FMN1: variants seen among roughly 807,000 people sequenced by gnomAD.
FMN1 encodes formin-1.
Under a neutral mutation model 132.4 loss-of-function variants are expected in FMN1, and 110 were observed. That is an observed-to-expected ratio of 0.83 (90% confidence interval 0.71 to 0.97). FMN1 has a LOEUF of 0.97. Ranked by LOEUF, FMN1 falls within the 50% of genes least tolerant of loss-of-function variation. The pLI is 0.00. For missense variants in FMN1, 1,792 were observed against 1,705.3 expected (o/e 1.05, Z -0.90); for synonymous variants, 722 against 651.7 (o/e 1.11, Z -1.64).
intron 7 of FMN1, among the ~76,000 whole-genome samples, chr15:33,005,096 G>A (rs189772810): frequency 6.6e-6 from 1 of 152,032 alleles, no homozygotes; most frequent in East Asian, 1.9e-4. Flanking sequence ...GCTAAATGAT[G>A]AGTTAATGAG....
chr15:33,154,540 G>C lies in FMN1; in HGVS notation c.375C>G (p.Ser125Arg). 6.5e-7 allele frequency: 1 copy of C among 1,536,102 alleles called. No individual in the cohort carries two copies. Among genetic ancestry groups the C allele is most frequent in the Non-Finnish European group, 8.7e-7 (1 of 1,146,904 alleles). Residue 125 changes from serine (S) to arginine (R), a missense_variant, in exon 4 of 21, where the codon AGC (serine) becomes AGG (arginine). Physicochemically the swap from Ser to Arg is moderately radical, Grantham distance 110. This residue lies in a region of FMN1 where 638 missense variants were observed against 645.2 expected (regional missense o/e 0.99). Transcript: ENST00000616417. ...QEGKLQELSVSLAPEDDCFQS... is the reference protein window; with the variant it reads ...QEGKLQELSVRLAPEDDCFQS... ...GGAAACAGTCATCCTCGGGGGCCAGGCTCACGGACAGCTCTTGCAGCTTCC... is the reference window on the plus strand; with the variant it reads ...GGAAACAGTCATCCTCGGGGGCCAGCCTCACGGACAGCTCTTGCAGCTTCC...
In FMN1 at chr15:32,968,959, A is replaced by T. The variant is rs1226101052; in HGVS notation, c.2742T>A (p.Pro914=). The change falls in exon 8 of 21, where the codon CCT becomes CCA. Residue 914 remains proline, a synonymous_variant. Transcript: ENST00000616417. ...PPPPPPPPPL[P]PPSSAGPPPP... ...GTGGAGGTCCAGCACTTGAAGGTGG[A>T]GGTAGAGGTGGCGGTGGAGGAGGCG... 1 of 883,622 alleles carries T rather than the reference A, an allele frequency of 1.1e-6. No homozygotes were observed. Among genetic ancestry groups the T allele is most frequent in the Admixed American group, 2.5e-5 (1 of 39,836 alleles). The allele number at this position is 883,622 out of a possible 1,614,324, so 54.7% of individuals were successfully genotyped here.
chr15:33,115,418 G>T (rs1476616895), intron 4 of FMN1, among the ~76,000 whole-genome samples: 1 of 152,048 alleles, frequency 6.6e-6, no homozygotes, highest in African/African-American at 2.4e-5. Context: ...GGTTGCTTAT[G>T]AAAGAGGTAG....
chr15:33,050,099 T>C (rs114131767), intron 6 of FMN1, among the ~76,000 whole-genome samples: 41 of 152,360 alleles, frequency 2.7e-4, no homozygotes, highest in African/African-American at 9.1e-4. Context: ...TGCCCAACTG[T>C]TGGCTAAAGT....
intron 4 of FMN1, among the ~76,000 whole-genome samples, chr15:33,104,738 AAAAG>A (rs1467578944): frequency 1.4e-4 from 21 of 152,148 alleles, no homozygotes; most frequent in African/African-American, 4.8e-4. Context: ...AATTAACTGA[AAAAG>A]AAAAAAGAGT....
Position 32,798,698 on chromosome 15 carries a change from C to G in FMN1, c.4130+106G>C, listed in dbSNP as rs201061237. On this transcript the variant is annotated intron_variant, in intron 19 of 20. Coordinates refer to ENST00000616417, the MANE Select transcript of FMN1 (RefSeq NM_001277313.2). The stretch of plus-strand genomic sequence containing the variant: ...GTCCTTCCCCTATGACCACTTCATC[C>G]GAAAGAAAACATCGACAGGTGTGAA... 1.4e-5 allele frequency: 15 copies of G among 1,074,034 alleles called. No individual in the cohort carries two copies. The East Asian group carries it at 4.0e-4, about 29-fold the overall frequency. 66.5% of individuals were successfully genotyped at this position (1,074,034 alleles called of 1,614,324 possible).
chr15:33,050,741 G>C (rs995800221), intron 6 of FMN1, among the ~76,000 whole-genome samples: 4 of 152,210 alleles, frequency 2.6e-5, no homozygotes, highest in African/African-American at 9.6e-5. Flanking sequence ...TCACAGGTAT[G>C]CATAAACCAA....
intron 10 of FMN1, among the ~76,000 whole-genome samples, chr15:32,911,234 C>T (rs1243254708): frequency 6.6e-6 from 1 of 152,088 alleles, no homozygotes; most frequent in Non-Finnish European, 1.5e-5. Context: ...TACTGGGATG[C>T]AAAAATTGAG....
chr15:32,989,843 A>T (rs942285484), intron 7 of FMN1, among the ~76,000 whole-genome samples: 6 of 152,152 alleles, frequency 3.9e-5, no homozygotes, highest in African/African-American at 9.7e-5. Flanking sequence ...AGGGTGCAGG[A>T]GTTGTCAAGG....
chr15:33,086,424 T>C (rs1196893776), intron 5 of FMN1, among the ~76,000 whole-genome samples: 1 of 152,132 alleles, frequency 6.6e-6, no homozygotes, highest in African/African-American at 2.4e-5. Context: ...GAGGTTTTTT[T>C]TTCACTGTAA....
intron 7 of FMN1, among the ~76,000 whole-genome samples, chr15:32,975,708 T>C (rs2032149341): frequency 6.6e-6 from 1 of 152,144 alleles, no homozygotes; most frequent in Non-Finnish European, 1.5e-5. Context: ...ATACTTAACG[T>C]AGATAAGAAT....
intron 3 of FMN1, among the ~76,000 whole-genome samples, chr15:33,170,989 A>C (rs890898966): frequency 6.6e-6 from 1 of 152,204 alleles, no homozygotes; most frequent in Non-Finnish European, 1.5e-5. Flanking sequence ...CTGTGTGTAT[A>C]AACGGATGAG....
intron 19 of FMN1, among the ~76,000 whole-genome samples, chr15:32,785,218 A>ATATATTT (rs1444523400): frequency 3.8e-4 from 15 of 39,206 alleles, no homozygotes; most frequent in African/African-American, 8.3e-4. Flanking sequence ...ATATATATAT[A>ATATATTT]TTTTTTTTTT....
chr15:33,150,990 A>G, intron 4 of FMN1: 1 of 1,101,584 alleles, frequency 9.1e-7, no homozygotes, highest in Non-Finnish European at 1.1e-6. Flanking sequence ...TGAAAGACAA[A>G]GGTAGCTGGA....
intron 16 of FMN1, among the ~76,000 whole-genome samples, chr15:32,872,891 T>C (rs533678443): frequency 6.7e-6 from 1 of 149,864 alleles, no homozygotes; most frequent in South Asian, 2.1e-4. Context: ...AAATGAACCA[T>C]GAGGGAATAA....
chr15:32,780,009 G>A (rs1048115556), intron 19 of FMN1, among the ~76,000 whole-genome samples: 13 of 152,240 alleles, frequency 8.5e-5, no homozygotes, highest in Non-Finnish European at 1.9e-4. Context: ...CCTGATTGCA[G>A]AATTAATTCT....
At chr15:32,857,419 A>C (rs1244887313) in intron 16 of FMN1, among the ~76,000 whole-genome samples, 1 of 152,104 alleles carries the variant, frequency 6.6e-6, no homozygotes, top group Non-Finnish European at 1.5e-5. Flanking sequence ...TGTTCTCCCA[A>C]AGATAAAGAG....
intron 19 of FMN1, among the ~76,000 whole-genome samples, chr15:32,780,979 G>C (rs542060186): frequency 6.6e-6 from 1 of 152,114 alleles, no homozygotes; most frequent in Non-Finnish European, 1.5e-5. Context: ...TTTCATGATA[G>C]AGGTTATTGC....
intron 9 of FMN1, among the ~76,000 whole-genome samples, chr15:32,930,463 T>C (rs1339240479): frequency 6.6e-6 from 1 of 151,944 alleles, no homozygotes; most frequent in Non-Finnish European, 1.5e-5. Flanking sequence ...GGTTATCTCA[T>C]TGTGATTTTG....
Sources: allele counts gnomAD v4.1 joint callset (sites outside exome capture counted in the v4.1 genomes callset), GRCh38; gene constraint gnomAD v4.1.1; regional missense constraint gnomAD v4.1.1; transcripts MANE v1.5; gene names NCBI Gene and HGNC (gene_info 2026-07-23, HGNC 2026-07-21).